THTPA: variants seen among roughly 807,000 people sequenced by gnomAD.
THTPA encodes the protein thiamine-triphosphatase.
THTPA carries 16 observed loss-of-function variants against 16.5 expected under a neutral mutation model. The observed-to-expected ratio is 0.97, with a 90% CI of 0.66 to 1.47. THTPA has a LOEUF of 1.47. Ranked by LOEUF, THTPA falls within the 40% of genes most tolerant of loss-of-function variation. THTPA has a pLI of 0.00. For synonymous variants in THTPA, 110 were observed against 115.5 expected (o/e 0.95, Z 0.30); for missense variants, 281 against 280.9 (o/e 1.00, Z 0.00).
At chr14:23,541,414 A>G in the THTPA span, among the ~76,000 whole-genome samples, 1 of 151,634 alleles carries the variant, frequency 6.6e-6, no homozygotes, top group Non-Finnish European at 1.5e-5. Context: ...CAGCCTCCCA[A>G]GTAGCTGAGA....
chr14:23,522,773 T>C, the THTPA span: 5 of 1,536,310 alleles, frequency 3.3e-6, no homozygotes, highest in Non-Finnish European at 4.4e-6. Flanking sequence ...CCCCAAGGGC[T>C]CAGTAGGAGG....
chr14:23,523,944 G>T, the THTPA span: 1 of 1,536,000 alleles, frequency 6.5e-7, no homozygotes, highest in Non-Finnish European at 8.7e-7. The surrounding 1 kb of genome is among the most constrained non-coding windows in gnomAD (Gnocchi z 4.1). Context: ...GGAGGGGGAG[G>T]TAGGAGAGGT....
At chr14:23,539,830 A>T in the THTPA span, among the ~76,000 whole-genome samples, 1 of 152,196 alleles carries the variant, frequency 6.6e-6, no homozygotes. Context: ...TGGCAGGGCT[A>T]ATGGGACCTG....
upstream of THTPA, chr14:23,551,516 A>C (rs1881947441): frequency 6.6e-6 from 1 of 152,392 alleles, no homozygotes; most frequent in African/African-American, 2.4e-5. The surrounding 1 kb of genome is among the most constrained non-coding windows in gnomAD (Gnocchi z 5.3). Flanking sequence ...GGAGACGGAA[A>C]AAAATAAATA....
At chr14:23,555,918 T>A (rs1420383771), upstream of THTPA, 2 of 152,224 alleles carry the variant, frequency 1.3e-5, no homozygotes, top group African/African-American at 4.8e-5. Flanking sequence ...AGGCACCAAG[T>A]GCAGCTTTCC....
chr14:23,534,400 C>G, the THTPA span: 1 of 1,536,824 alleles, frequency 6.5e-7, no homozygotes, highest in Non-Finnish European at 8.7e-7. This position sits in a 1 kb window ranked among gnomAD's most constrained non-coding sequence, Gnocchi z 4.5. Flanking sequence ...CACTGTGCTG[C>G]TGTTGTCAAG....
upstream of THTPA, among the ~76,000 whole-genome samples, chr14:23,554,308 C>G (rs574573476): frequency 3.2e-4 from 48 of 152,274 alleles, no homozygotes; most frequent in Non-Finnish European, 1.0e-4. Flanking sequence ...TCTTCTCTCC[C>G]TAACCAACAG....
chr14:23,532,236 A>C, the THTPA span: 12 of 212,152 alleles, frequency 5.7e-5, no homozygotes, highest in Non-Finnish European at 1.1e-4. Flanking sequence ...CCACTCCTGG[A>C]CTCCCTCCCA....
At chr14:23,525,784 C>T in the THTPA span, 3 of 1,498,472 alleles carry the variant, frequency 2.0e-6, no homozygotes, top group South Asian at 1.3e-5. This position sits in a 1 kb window ranked among gnomAD's most constrained non-coding sequence, Gnocchi z 5.9. Flanking sequence ...GCAGGGACAG[C>T]ACAGGTGCAG....
the THTPA span, among the ~76,000 whole-genome samples, chr14:23,547,879 C>T: frequency 1.1e-4 from 17 of 152,284 alleles, no homozygotes; most frequent in Middle Eastern, 3.4e-3. Flanking sequence ...CAGATGTAGC[C>T]ACTCCTCAGA....
At chr14:23,512,866 A>G in the THTPA span, 1 of 142,088 alleles carries the variant, frequency 7.0e-6, no homozygotes, top group Non-Finnish European at 1.5e-5. Context: ...TGGTGGTGGT[A>G]TGGTGTGGTG....
chr14:23,527,775 C>G, the THTPA span: 2 of 1,535,998 alleles, frequency 1.3e-6, no homozygotes, highest in Non-Finnish European at 1.7e-6. Flanking sequence ...ACTCTGGGCT[C>G]AGGAAGCTGC....
chr14:23,550,565 CAA>C, the THTPA span, among the ~76,000 whole-genome samples: 3 of 152,130 alleles, frequency 2.0e-5, no homozygotes, highest in South Asian at 2.1e-4. Context: ...ACAGCAAAAC[CAA>C]AAGTCAGGGA....
upstream of THTPA, among the ~76,000 whole-genome samples, chr14:23,551,090 T>A (rs1419858250): frequency 2.0e-5 from 3 of 149,300 alleles, no homozygotes; most frequent in African/African-American, 7.4e-5. The surrounding 1 kb of genome is among the most constrained non-coding windows in gnomAD (Gnocchi z 5.3). Flanking sequence ...CCCGCATCTC[T>A]CTTCCCCCAT....
At chr14:23,531,549 G>A in the THTPA span, 1 of 1,521,736 alleles carries the variant, frequency 6.6e-7, no homozygotes, top group African/African-American at 1.4e-5. Flanking sequence ...TTCCTCAGTG[G>A]TTGGGCCATT....
At chr14:23,536,771 T>G in the THTPA span, among the ~76,000 whole-genome samples, 1 of 152,138 alleles carries the variant, frequency 6.6e-6, no homozygotes, top group African/African-American at 2.4e-5. Context: ...AAAGTTGTGG[T>G]CTAGACTCCT....
chr14:23,557,054 C>A lies in THTPA; in HGVS notation c.297C>A (p.Asp99Glu). The A allele has an allele frequency of 6.2e-7, 1 of 1,614,178 alleles. No homozygotes were observed. The highest frequency in any genetic ancestry group is 8.5e-7 in the Non-Finnish European group (1 of 1,180,040). ...VAQLCKVLRA[D>E]GLGAGDVAAV... ...AACTCTGTAAGGTGCTGCGGGCTGA[C>A]GGCCTGGGGGCTGGAGATGTGGCTG... Residue 99 changes from aspartate (D) to glutamate (E), a missense_variant, in exon 1 of 2, where the codon GAC becomes GAA. Asp to Glu is a conservative substitution (Grantham distance 45, BLOSUM62 2). Coordinates refer to ENST00000288014, the MANE Select transcript of THTPA (RefSeq NM_024328.6).
the THTPA span, chr14:23,529,817 T>C: frequency 1.3e-6 from 2 of 1,516,622 alleles, no homozygotes; most frequent in Non-Finnish European, 1.8e-6. Context: ...GCCCTCAAGA[T>C]GATTTGTAGC....
the THTPA span, chr14:23,531,154 A>C: frequency 4.5e-6 from 1 of 220,234 alleles, no homozygotes; most frequent in Non-Finnish European, 8.8e-6. Flanking sequence ...TCTCCTTCCT[A>C]CCCAGCTCCA....
Sources: gnomAD v4.1 joint callset for allele counts (sites outside exome capture counted in the v4.1 genomes callset) on GRCh38, gnomAD v4.1.1 for gene constraint, Gnocchi (gnomAD v3.1) non-coding constraint, MANE v1.5 for transcripts, NCBI Gene and HGNC (gene_info 2026-07-23, HGNC 2026-07-21) for gene names.